The following STXBP5L variants were observed in gnomAD, a reference collection of about 807,000 sequenced individuals.
STXBP5L encodes the protein syntaxin-binding protein 5-like.
In STXBP5L, 65 loss-of-function variants were observed where a neutral mutation model predicts 144.5. The observed-to-expected ratio is 0.45, with a 90% CI of 0.37 to 0.55. STXBP5L has a LOEUF of 0.55. Among genes scored for constraint, STXBP5L ranks in the 20% least tolerant of loss-of-function variants. The probability of loss-of-function intolerance (pLI) is 0.00; values close to 1 mark genes in which losing one functional copy is unlikely to be tolerated. For synonymous variants in STXBP5L, 505 were observed against 469.6 expected (o/e 1.08, Z -0.97); for missense variants, 1,298 against 1,405.5 (o/e 0.92, Z 1.22).
In STXBP5L at chr3:121,328,146, A is replaced by G. The variant is rs188636035; in HGVS notation, c.2176+9606A>G. On this transcript the variant is annotated intron_variant, in intron 20 of 26. Transcript: ENST00000471454. ...TAATGCCAGGCACTAGATTTTCAGT[A>G]GAACATGTTGCCCAGATAAATTATT... 1.2e-3 allele frequency among the ~76,000 whole-genome samples: 182 copies of G among 152,366 alleles called. 1 individual carries two copies. The highest frequency in any genetic ancestry group is 1.9e-3 in the Non-Finnish European group (127 of 68,026).
At chr3:121,032,338 T>A (rs1296849779) in intron 3 of STXBP5L, among the ~76,000 whole-genome samples, 2 of 151,772 alleles carry the variant, frequency 1.3e-5, no homozygotes, top group Non-Finnish European at 2.9e-5. Context: ...GATTATAAAG[T>A]CAAATATTGC....
At chr3:121,379,268 T>G (rs962684197) in intron 21 of STXBP5L, among the ~76,000 whole-genome samples, 2 of 152,192 alleles carry the variant, frequency 1.3e-5, no homozygotes, top group Admixed American at 6.6e-5. Flanking sequence ...AATTGTCAAA[T>G]GAATGTGACC....
At chr3:120,998,750 A>C (rs1231338694) in intron 3 of STXBP5L, among the ~76,000 whole-genome samples, 1 of 152,174 alleles carries the variant, frequency 6.6e-6, no homozygotes, top group African/African-American at 2.4e-5. Flanking sequence ...TTAAATCAAG[A>C]ATGCATTCCT....
At chr3:121,031,751 C>G (rs1223041156) in intron 3 of STXBP5L, among the ~76,000 whole-genome samples, 1 of 152,086 alleles carries the variant, frequency 6.6e-6, no homozygotes, top group Non-Finnish European at 1.5e-5. Context: ...AACCACTACA[C>G]AAGGAGACCA....
At chr3:121,217,000 C>T (rs2048800550) in intron 10 of STXBP5L, among the ~76,000 whole-genome samples, 2 of 152,158 alleles carry the variant, frequency 1.3e-5, no homozygotes, top group Admixed American at 1.3e-4. Flanking sequence ...ATACCACCTA[C>T]TCAAGCCTCA....
At chr3:121,092,401 G>A (rs1478499466) in intron 5 of STXBP5L, among the ~76,000 whole-genome samples, 1 of 152,140 alleles carries the variant, frequency 6.6e-6, no homozygotes, top group Non-Finnish European at 1.5e-5. Flanking sequence ...TCCTACCCAT[G>A]AGCATGGAAT....
At chr3:121,006,278 G>T (rs941943652) in intron 3 of STXBP5L, among the ~76,000 whole-genome samples, 8 of 152,146 alleles carry the variant, frequency 5.3e-5, no homozygotes, top group African/African-American at 1.9e-4. Context: ...AGCTCTTCTT[G>T]TTGAATTGAT....
At chr3:121,233,586 A>G (rs530209521) in intron 11 of STXBP5L, 30 bp from the exon 12 acceptor site, 2 of 1,570,426 alleles carry the variant, frequency 1.3e-6, no homozygotes, top group South Asian at 2.3e-5. Context: ...TACAATATGA[A>G]AACTTTTCAT....
intron 3 of STXBP5L, among the ~76,000 whole-genome samples, chr3:120,989,326 T>G (rs1347561399): frequency 2.0e-5 from 3 of 152,212 alleles, no homozygotes; most frequent in African/African-American, 4.8e-5. Context: ...TAATAGCCAT[T>G]CTGACTGGTG....
chr3:121,001,185 G>A (rs28797282), intron 3 of STXBP5L, among the ~76,000 whole-genome samples: 15,134 of 152,264 alleles, frequency 0.099, 1,185 homozygotes, highest in Admixed American at 0.2. Flanking sequence ...AGCCATTGGG[G>A]AGGCTGCAGG....
At chr3:121,050,337 G>C (rs1438895638) in intron 5 of STXBP5L, among the ~76,000 whole-genome samples, 1 of 151,888 alleles carries the variant, frequency 6.6e-6, no homozygotes, top group Non-Finnish European at 1.5e-5. Flanking sequence ...GGTTATTTTA[G>C]TTTAAAATAA....
intron 11 of STXBP5L, among the ~76,000 whole-genome samples, chr3:121,229,475 A>T (rs1240054497): frequency 1.3e-5 from 2 of 152,186 alleles, no homozygotes; most frequent in Non-Finnish European, 2.9e-5. Flanking sequence ...TTTTATTAAA[A>T]ACATAGGAAA....
chr3:120,976,342 G>T (rs181203493), intron 3 of STXBP5L, among the ~76,000 whole-genome samples: 29 of 152,212 alleles, frequency 1.9e-4, no homozygotes, highest in African/African-American at 6.7e-4. Context: ...AGAGGTGTTT[G>T]TAGTATTCTC....
chr3:121,226,582 G>T (rs1374922478), intron 11 of STXBP5L, among the ~76,000 whole-genome samples: 1 of 152,150 alleles, frequency 6.6e-6, no homozygotes, highest in Non-Finnish European at 1.5e-5. Context: ...TCCCCTGAAT[G>T]TCCCGAGAGC....
At chr3:120,971,585 A>G (rs1243278801) in intron 3 of STXBP5L, among the ~76,000 whole-genome samples, 2 of 151,870 alleles carry the variant, frequency 1.3e-5, no homozygotes, top group Non-Finnish European at 2.9e-5. Context: ...GCTGCAAAAT[A>G]CACGACTTTA....
At chr3:121,318,638 G>T (rs1232897669) in intron 20 of STXBP5L, 98 bp downstream of exon 20, 8 of 837,950 alleles carry the variant, frequency 9.5e-6, no homozygotes, top group Non-Finnish European at 1.4e-5. Context: ...TATAATTTTA[G>T]TAATTAGGTA....
chr3:121,050,517 T>C (rs917248797), intron 5 of STXBP5L, among the ~76,000 whole-genome samples: 19 of 152,060 alleles, frequency 1.2e-4, no homozygotes, highest in African/African-American at 9.7e-5. Flanking sequence ...TAAAATACTT[T>C]ACAGACAAGC....
chr3:121,369,341 CTT>C (rs34663246), intron 20 of STXBP5L, among the ~76,000 whole-genome samples: 47 of 145,288 alleles, frequency 3.2e-4, no homozygotes, highest in African/African-American at 5.0e-4. Flanking sequence ...TCCTGTTTGG[CTT>C]TTTTTTTTTT....
intron 12 of STXBP5L, among the ~76,000 whole-genome samples, chr3:121,237,754 A>C (rs1197570761): frequency 1.3e-5 from 2 of 152,158 alleles, no homozygotes; most frequent in African/African-American, 4.8e-5. Flanking sequence ...TGCTGCTTAG[A>C]ATTTTTTTCT....
Sources: allele counts gnomAD v4.1 joint callset (sites outside exome capture counted in the v4.1 genomes callset), GRCh38; gene constraint gnomAD v4.1.1; transcripts MANE v1.5; gene names NCBI Gene and HGNC (gene_info 2026-07-23, HGNC 2026-07-21).